ABI3BP: variants seen among roughly 807,000 people sequenced by gnomAD.
The protein encoded by ABI3BP is ABI family member 3 binding protein, also known as target of Nesh-SH3.
ABI3BP carries 216 observed loss-of-function variants against 268.6 expected under a neutral mutation model. The ratio of observed to expected loss-of-function variants is 0.80; its 90% CI spans 0.72 to 0.90. The LOEUF is 0.90. Among genes scored for constraint, ABI3BP ranks in the 40% least tolerant of loss-of-function variants. ABI3BP has a pLI of 0.00. For synonymous variants in ABI3BP, 730 were observed against 730.0 expected, an observed-to-expected ratio of 1.00 and a Z score of 0.00; for missense variants, 2,090 against 2,182.4, an observed-to-expected ratio of 0.96 and a Z score of 0.84.
rs748511388 is a variant in ABI3BP at position 100,765,965 on chromosome 3, A to T, written c.4742-16T>A. 1 of 1,563,286 alleles carries T rather than the reference A, an allele frequency of 6.4e-7. No individual in the cohort carries two copies. Among genetic ancestry groups the T allele is most frequent in the Non-Finnish European group, 8.8e-7 (1 of 1,139,722 alleles). ...ACTTCATATTCTGTAAAGCGAAAGA[A>T]GCCAACAGATACTTGTTTTTATTTC... is the stretch of plus-strand genomic sequence containing the variant. On this transcript the variant is annotated splice_polypyrimidine_tract_variant and intron_variant, in intron 62 of 67. Transcript: ENST00000471714.
At chr3:100,928,037 T>C (rs2062389049) in intron 1 of ABI3BP, among the ~76,000 whole-genome samples, 2 of 151,678 alleles carry the variant, frequency 1.3e-5, no homozygotes, top group South Asian at 2.1e-4. Flanking sequence ...CTTTCTTTAA[T>C]CCACTAGGGT....
chr3:100,964,549 C>T (rs549915967), intron 1 of ABI3BP, among the ~76,000 whole-genome samples: 2 of 152,288 alleles, frequency 1.3e-5, no homozygotes, highest in African/African-American at 4.8e-5. Flanking sequence ...TCCTGGCATG[C>T]AACAACGAAC....
chr3:100,840,777 A>G, intron 22 of ABI3BP, 43 bp downstream of exon 22: 2 of 1,487,354 alleles, frequency 1.3e-6, no homozygotes, highest in Non-Finnish European at 1.8e-6. Flanking sequence ...ACCAGCAGAC[A>G]GGAAAAGAAG....
At chr3:100,814,289 G>T (rs1025501484) in intron 44 of ABI3BP, among the ~76,000 whole-genome samples, 1 of 152,070 alleles carries the variant, frequency 6.6e-6, no homozygotes, top group Non-Finnish European at 1.5e-5. Flanking sequence ...TCCTACAAGA[G>T]CTAAGAGCTG....
intron 2 of ABI3BP, among the ~76,000 whole-genome samples, chr3:100,925,816 A>G (rs1284574664): frequency 6.6e-6 from 1 of 152,170 alleles, no homozygotes; most frequent in Non-Finnish European, 1.5e-5. Flanking sequence ...CATAATTTAA[A>G]ACATTTTTAA....
Position 100,993,325 on chromosome 3 carries a change from A to G in ABI3BP, c.60T>C (p.Asn20=). Residue 20 remains asparagine, a synonymous_variant, in exon 1 of 68, where the codon AAT becomes AAC. Transcript: ENST00000471714. Reference sequence around the variant, plus strand: ...ACTTGCCTTTTGGCAATTTCTGTGCATTTCCCAGGGCTAGTGTAATACTTC... The same window carrying G: ...ACTTGCCTTTTGGCAATTTCTGTGCGTTTCCCAGGGCTAGTGTAATACTTC... The part of the protein sequence containing the change: ...LCGSITLALG[N]AQKLPKGKRP... 1.3e-6 allele frequency: 2 copies of G among 1,552,072 alleles called. No homozygotes were observed. The highest frequency in any genetic ancestry group is 1.7e-6 in the Non-Finnish European group (2 of 1,147,090).
rs534068363 is a variant in ABI3BP, at chr3:100,844,224, T to C, written c.1723+2148A>G. The C allele has an allele frequency of 7.3e-5, 72 of 985,442 alleles. 1 individual carries two copies. In the South Asian group the frequency reaches 3.0e-3, roughly 41 times the overall value. 61.0% of individuals were successfully genotyped at this position (985,442 alleles called of 1,614,324 possible). A position where few individuals can be genotyped will look rare whatever the true frequency, so the allele number is the denominator to read the frequency against. On this transcript the variant is annotated intron_variant, in intron 20 of 67. Transcript: ENST00000471714. Reference sequence around the variant, plus strand: ...TAGGAATGAGAACAATTTACAATTCTATCCACGTTGGAAGACGGTCAAGTG... The same window carrying C: ...TAGGAATGAGAACAATTTACAATTCCATCCACGTTGGAAGACGGTCAAGTG...
At chr3:100,903,844 A>T (rs956136071) in intron 2 of ABI3BP, among the ~76,000 whole-genome samples, 7 of 152,178 alleles carry the variant, frequency 4.6e-5, no homozygotes, top group African/African-American at 1.7e-4. Context: ...GAATAAAGTA[A>T]CTTAGGCAGC....
intron 1 of ABI3BP, among the ~76,000 whole-genome samples, chr3:100,942,529 A>T (rs1175834231): frequency 6.6e-6 from 1 of 152,120 alleles, no homozygotes; most frequent in Non-Finnish European, 1.5e-5. Flanking sequence ...AGGCTAAGGA[A>T]TTTAACAAGA....
At chr3:100,909,517 C>A (rs1427821589) in intron 2 of ABI3BP, among the ~76,000 whole-genome samples, 1 of 152,162 alleles carries the variant, frequency 6.6e-6, no homozygotes, top group Non-Finnish European at 1.5e-5. Context: ...ATCTATCCAT[C>A]TGACAAAGGG....
chr3:100,828,524 A>C (rs1376789882), intron 33 of ABI3BP, 72 bp from the exon 34 acceptor site: 3 of 1,362,752 alleles, frequency 2.2e-6, no homozygotes, highest in Non-Finnish European at 3.0e-6. Context: ...ACATTCAAAA[A>C]GAATTTTACG....
chr3:100,820,125 G>A (rs2152634414), intron 40 of ABI3BP, 95 bp downstream of exon 40: 3 of 1,088,054 alleles, frequency 2.8e-6, no homozygotes, highest in South Asian at 2.9e-5. Context: ...CATCCACATG[G>A]TACTCACACA....
chr3:100,760,714 A>G (rs1350530947), intron 63 of ABI3BP, among the ~76,000 whole-genome samples: 1 of 152,186 alleles, frequency 6.6e-6, no homozygotes, highest in African/African-American at 2.4e-5. Context: ...ATACTTTATC[A>G]GCTGCTCTAT....
intron 2 of ABI3BP, among the ~76,000 whole-genome samples, chr3:100,907,835 G>T (rs1392979006): frequency 6.6e-6 from 1 of 152,144 alleles, no homozygotes; most frequent in African/African-American, 2.4e-5. Context: ...GAAAGAAAAG[G>T]CCGGGAGTGG....
rs745902212 is a variant in ABI3BP, at chr3:100,875,559, T to A, written c.766A>T (p.Lys256Ter). 2 of 1,613,256 alleles carry A rather than the reference T, an allele frequency of 1.2e-6. No individual in the cohort carries two copies. Among genetic ancestry groups the A allele is most frequent in the Non-Finnish European group, 1.7e-6 (2 of 1,179,236 alleles). ...IKQVIQNVTH[K>*]DSAKSPEKAP... ...TTTTCTGGGGATTTAGCTGAATCCT[T>A]GTGAGTAACATTCTGAATCACTGTT... The change falls in exon 8 of 68, where the codon AAG becomes TAG. Residue 256 changes from lysine (K) to a stop codon, truncating the protein, a stop_gained. Coordinates refer to ENST00000471714, the MANE Select transcript of ABI3BP (RefSeq NM_001375547.2). LOFTEE classifies it high-confidence loss of function.
intron 58 of ABI3BP, 121 bp from the exon 59 acceptor site, chr3:100,778,497 G>T (rs1336900228): frequency 1.2e-6 from 1 of 816,212 alleles, no homozygotes; most frequent in South Asian, 1.8e-5. Context: ...GGATGACAGA[G>T]AATAGATTCT....
intron 2 of ABI3BP, 128 bp downstream of exon 2, chr3:100,926,174 T>A: frequency 1.1e-6 from 1 of 943,130 alleles, no homozygotes; most frequent in East Asian, 2.6e-5. Flanking sequence ...AGATGTCTTG[T>A]AATTCTACCA....
At chr3:100,891,590 C>T (rs751006814) in intron 4 of ABI3BP, among the ~76,000 whole-genome samples, 19 of 152,152 alleles carry the variant, frequency 1.2e-4, no homozygotes, top group Non-Finnish European at 2.2e-4. Context: ...GTTTTGAACT[C>T]GGGTAAGTCA....
At chr3:100,977,102 C>T (rs1414826867) in intron 1 of ABI3BP, among the ~76,000 whole-genome samples, 1 of 152,194 alleles carries the variant, frequency 6.6e-6, no homozygotes, top group Non-Finnish European at 1.5e-5. Context: ...CCAAAATTCT[C>T]TTCCCGTGTT....
Sources: allele counts gnomAD v4.1 joint callset (sites outside exome capture counted in the v4.1 genomes callset), GRCh38; gene constraint gnomAD v4.1.1; transcripts MANE v1.5; gene names NCBI Gene and HGNC (gene_info 2026-07-23, HGNC 2026-07-21).